EPB41L4A: variants seen among roughly 807,000 people sequenced by gnomAD.
The protein encoded by EPB41L4A is band 4.1-like protein 4A.
A neutral mutation model predicts 108.6 loss-of-function variants in EPB41L4A; 100 were observed. That is an observed-to-expected ratio of 0.92 (90% CI 0.78 to 1.09). The LOEUF is 1.09. Among genes scored for constraint, EPB41L4A ranks in the 50% least tolerant of loss-of-function variants. The pLI, the probability that EPB41L4A is intolerant of heterozygous loss-of-function variation, is 0.00. For synonymous variants in EPB41L4A, 319 were observed against 289.0 expected (o/e 1.10, Z -1.05); for missense variants, 1,030 against 842.7 (o/e 1.22, Z -2.75).
intron 18 of EPB41L4A, among the ~76,000 whole-genome samples, chr5:112,180,695 A>T (rs1248978195): frequency 6.6e-6 from 1 of 151,932 alleles, no homozygotes; most frequent in Non-Finnish European, 1.5e-5. Context: ...AATGAAAAAA[A>T]CTGATACACT....
rs187543335 is a variant in EPB41L4A at position 112,289,592 on chromosome 5, C to T, written c.205-9269G>A. On this transcript the variant is annotated intron_variant, in intron 2 of 22. Coordinates refer to ENST00000261486, the MANE Select transcript of EPB41L4A (RefSeq NM_022140.5). ...ACCATGCTCCTTCTGGTATCCTTCC[C>T]TCCCTTTGCCCTCTGGATGTTTTCC... Among the ~76,000 whole-genome samples the T allele has an allele frequency of 4.0e-3, 602 of 152,322 alleles. 1 individual carries two copies. The highest frequency in any genetic ancestry group is 6.2e-3 in the Non-Finnish European group (419 of 68,022).
chr5:112,251,127 T>C (rs1750635279), intron 9 of EPB41L4A, among the ~76,000 whole-genome samples: 1 of 152,240 alleles, frequency 6.6e-6, no homozygotes, highest in Admixed American at 6.5e-5. Flanking sequence ...CACTTAAGAA[T>C]AGTTGGGAAA....
At position 112,162,889 on chromosome 5, in the gene EPB41L4A, G is replaced by A. The variant is rs966932282; in HGVS notation, c.*2101C>T. The A allele has an allele frequency of 1.3e-5, 2 of 152,202 alleles. No individual in the cohort carries two copies. The highest frequency in any genetic ancestry group is 2.9e-5 in the Non-Finnish European group (2 of 68,050). The allele number at this position is 152,202 out of a possible 1,614,324, so 9.4% of individuals were successfully genotyped here. On this transcript the variant is annotated 3_prime_UTR_variant, in exon 23 of 23. Coordinates refer to ENST00000261486, the MANE Select transcript of EPB41L4A (RefSeq NM_022140.5). Reference sequence around the variant, plus strand: ...AGGCTTGGGCTAGAAAAAAGATACCGTTAGTCCACTTACTTTTGAGACAGT... The same window carrying A: ...AGGCTTGGGCTAGAAAAAAGATACCATTAGTCCACTTACTTTTGAGACAGT...
At chr5:112,323,604 T>C (rs1194679368) in intron 1 of EPB41L4A, among the ~76,000 whole-genome samples, 1 of 152,246 alleles carries the variant, frequency 6.6e-6, no homozygotes, top group Non-Finnish European at 1.5e-5. Flanking sequence ...ATCAAAAACG[T>C]TGTCTAATTA....
chr5:112,331,884 CT>C (rs1296935567), intron 1 of EPB41L4A, among the ~76,000 whole-genome samples: 1 of 152,220 alleles, frequency 6.6e-6, no homozygotes, highest in Non-Finnish European at 1.5e-5. Flanking sequence ...TTAGAACTAC[CT>C]GGGTTTTTTC....
chr5:112,311,689 CAG>C (rs935687340), intron 1 of EPB41L4A, among the ~76,000 whole-genome samples: 3 of 152,184 alleles, frequency 2.0e-5, no homozygotes, highest in African/African-American at 7.2e-5. Flanking sequence ...GCCTGGGCGA[CAG>C]AGTGAGTGAG....
At chr5:112,346,819 C>T (rs1392082013) in intron 1 of EPB41L4A, among the ~76,000 whole-genome samples, 1 of 152,184 alleles carries the variant, frequency 6.6e-6, no homozygotes, top group Non-Finnish European at 1.5e-5. Flanking sequence ...GCAGTCAATA[C>T]AAGTTTTAGC....
intron 15 of EPB41L4A, among the ~76,000 whole-genome samples, chr5:112,198,013 T>C (rs1412614065): frequency 2.0e-5 from 3 of 152,202 alleles, no homozygotes; most frequent in African/African-American, 7.2e-5. Flanking sequence ...TCCTCTGATA[T>C]TACTGTTAAG....
chr5:112,416,096 G>GA (rs1314694161), intron 1 of EPB41L4A, among the ~76,000 whole-genome samples: 1 of 151,180 alleles, frequency 6.6e-6, no homozygotes, highest in Non-Finnish European at 1.5e-5. Flanking sequence ...TCTTCAGGCT[G>GA]AAACACTTTT....
At chr5:112,142,888 C>T (rs1759116599) in exon 14 of EPB41L4A, 1 of 152,210 alleles carries the variant, frequency 6.6e-6, no homozygotes, top group East Asian at 1.9e-4. Context: ...ACTATTTCCT[C>T]ATTCCTTGAA....
At chr5:112,197,356 C>T (rs982712346) in intron 15 of EPB41L4A, among the ~76,000 whole-genome samples, 3 of 152,120 alleles carry the variant, frequency 2.0e-5, no homozygotes, top group African/African-American at 7.2e-5. Flanking sequence ...GTATGGCTTA[C>T]GTTACTCCAT....
chr5:112,371,639 A>G (rs1294980210), intron 1 of EPB41L4A, among the ~76,000 whole-genome samples: 2 of 152,140 alleles, frequency 1.3e-5, no homozygotes, highest in African/African-American at 4.8e-5. Context: ...AAGTGGCAAG[A>G]CTGTCTGTGG....
At chr5:112,172,467 A>G (rs980389921) in intron 18 of EPB41L4A, among the ~76,000 whole-genome samples, 2 of 150,908 alleles carry the variant, frequency 1.3e-5, no homozygotes, top group African/African-American at 2.4e-5. Context: ...AGCCGAGATC[A>G]CACCACTGCA....
chr5:112,231,230 T>G (rs1347928598), intron 12 of EPB41L4A, among the ~76,000 whole-genome samples: 1 of 152,202 alleles, frequency 6.6e-6, no homozygotes, highest in African/African-American at 2.4e-5. Flanking sequence ...AAAATGGCAT[T>G]GTTTAGGAAC....
intron 10 of EPB41L4A, 27 bp from the exon 11 acceptor site, chr5:112,239,764 A>C: frequency 6.5e-7 from 1 of 1,540,998 alleles, no homozygotes; most frequent in Non-Finnish European, 8.9e-7. Flanking sequence ...AGAAAATCAG[A>C]CAAAGACTCA....
intron 12 of EPB41L4A, among the ~76,000 whole-genome samples, chr5:112,225,478 T>C (rs56318754): frequency 0.086 from 13,067 of 152,272 alleles, 643 homozygotes; most frequent in African/African-American, 0.11. Context: ...CTATTGGAAA[T>C]GTGGATGAGC....
intron 18 of EPB41L4A, among the ~76,000 whole-genome samples, chr5:112,177,137 A>G (rs1013968059): frequency 6.6e-6 from 1 of 152,166 alleles, no homozygotes; most frequent in African/African-American, 2.4e-5. Flanking sequence ...TGGCCGTATC[A>G]GCTGAGAAAT....
chr5:112,262,494 A>G lies in EPB41L4A; in HGVS notation c.642T>C (p.Tyr214=). 6.2e-7 allele frequency: 1 copy of G among 1,612,828 alleles called. No homozygotes were observed. ...EMYGVDLHPV[Y]GENKSEYFLG... is the part of the protein sequence containing the mutation. ...TTTGTGTTAATTAAATGTTACTCAC[A>G]TAGACGGGATGGAGGTCAACGCCAT... Residue 214 remains tyrosine (Y), a splice_region_variant and synonymous_variant, in exon 7 of 23, where the codon TAT becomes TAC. Transcript: ENST00000261486.
intron 17 of EPB41L4A, among the ~76,000 whole-genome samples, chr5:112,184,382 A>G (rs902878354): frequency 1.3e-5 from 2 of 152,222 alleles, no homozygotes; most frequent in African/African-American, 4.8e-5. Flanking sequence ...TTAATTTTCT[A>G]GGAAAAAGAC....
Sources: allele counts gnomAD v4.1 joint callset (sites outside exome capture counted in the v4.1 genomes callset), GRCh38; gene constraint gnomAD v4.1.1; transcripts MANE v1.5; gene names NCBI Gene and HGNC (gene_info 2026-07-23, HGNC 2026-07-21).